FGD5: variants seen among roughly 807,000 people sequenced by gnomAD.
FGD5 encodes the protein FYVE, RhoGEF and PH domain-containing protein 5.
FGD5 carries 28 observed loss-of-function variants against 133.4 expected under a neutral mutation model. That is an observed-to-expected ratio of 0.21 (90% CI 0.16 to 0.29). The LOEUF is 0.29. Among genes scored for constraint, FGD5 ranks in the 10% least tolerant of loss-of-function variants. The pLI is 1.00. For synonymous variants in FGD5, 810 were observed against 776.5 expected (o/e 1.04, Z -0.72); for missense variants, 1,858 against 1,895.2 (o/e 0.98, Z 0.36).
At chr3:14,891,782 G>A (rs1043803786) in intron 4 of FGD5, among the ~76,000 whole-genome samples, 8 of 152,196 alleles carry the variant, frequency 5.3e-5, no homozygotes, top group East Asian at 3.9e-4. Context: ...GCAGGCACAC[G>A]CCTCTGGGCA....
intron 5 of FGD5, 34 bp downstream of exon 5, chr3:14,897,703 T>G (rs981657072): frequency 1.3e-6 from 2 of 1,564,540 alleles, no homozygotes; most frequent in Non-Finnish European, 8.6e-7. Context: ...GTTCCACTTT[T>G]GTTGCACTGG....
At position 14,917,144 on chromosome 3, in the gene FGD5, A is replaced by G. The variant is rs2038572483; in HGVS notation, c.3406-105A>G. 2 of 988,364 alleles carry G rather than the reference A, an allele frequency of 2.0e-6. No individual in the cohort carries two copies. The highest frequency in any genetic ancestry group is 1.6e-5 in the African/African-American group (1 of 60,678). 61.2% of individuals were successfully genotyped at this position (988,364 alleles called of 1,614,324 possible). On this transcript the variant is annotated intron_variant, in intron 11 of 19. Coordinates refer to ENST00000285046, the MANE Select transcript of FGD5 (RefSeq NM_152536.4). This position sits in a 1 kb window ranked among gnomAD's most constrained non-coding sequence, Gnocchi z 4.1. ...GCTCACCTGTGGGGGTTACTGAGGA[A>G]TACAAGATGCCTGTGCACAGCGGAG... is the stretch of plus-strand genomic sequence containing the variant.
At chr3:14,887,926 G>A (rs2037954587) in intron 4 of FGD5, among the ~76,000 whole-genome samples, 1 of 152,000 alleles carries the variant, frequency 6.6e-6, no homozygotes. Flanking sequence ...AACAATTTGG[G>A]AGACCAAGGC....
chr3:14,913,326 A>G (rs1400453845), intron 11 of FGD5, among the ~76,000 whole-genome samples: 1 of 152,188 alleles, frequency 6.6e-6, no homozygotes, highest in Admixed American at 6.5e-5. Flanking sequence ...GTTCCATGGG[A>G]CACAGGTCCT....
Position 14,923,055 on chromosome 3 carries a change from C to T in FGD5, c.3817C>T (p.Arg1273Trp), listed in dbSNP as rs753008473. 22 of 1,613,666 alleles carry T rather than the reference C, an allele frequency of 1.4e-5. No individual in the cohort carries two copies. The highest frequency in any genetic ancestry group is 1.2e-4 in the Admixed American group (7 of 59,996). ...HCHACGKIVC[R>W]NCSRNKYPLK... Reference sequence around the variant, plus strand: ...CCACCTGGGCCTGCAGATCGTGTGCCGGAACTGTTCGCGGAACAAGTACCC... The same window carrying T: ...CCACCTGGGCCTGCAGATCGTGTGCTGGAACTGTTCGCGGAACAAGTACCC... Residue 1273 changes from arginine (R) to tryptophan (W), a missense_variant, in exon 16 of 20, where the codon CGG (arginine) becomes TGG (tryptophan). Arg to Trp is a moderately radical substitution (Grantham distance 101). This residue lies in a region of FGD5 where 1,824 missense variants were observed against 1,848.9 expected (regional missense o/e 0.99). Transcript: ENST00000285046.
intron 18 of FGD5, among the ~76,000 whole-genome samples, chr3:14,926,656 A>G (rs1177669420): frequency 2.6e-5 from 4 of 152,246 alleles, no homozygotes; most frequent in Non-Finnish European, 4.4e-5. Flanking sequence ...ACTGAAATCT[A>G]TATTTTATAG....
At chr3:14,888,313 G>A (rs1348030085) in intron 4 of FGD5, among the ~76,000 whole-genome samples, 5 of 152,250 alleles carry the variant, frequency 3.3e-5, no homozygotes, top group Non-Finnish European at 5.9e-5. Flanking sequence ...ATAAGTGAAC[G>A]AGGCACACTG....
chr3:14,907,647 T>C lies in FGD5; in HGVS notation c.3272T>C (p.Leu1091Pro), dbSNP rs752000041. 1.2e-6 allele frequency: 2 copies of C among 1,613,290 alleles called. No individual in the cohort carries two copies. Among genetic ancestry groups the C allele is most frequent in the South Asian group, 2.2e-5 (2 of 91,010 alleles). The change falls in exon 10 of 20, where the codon CTG becomes CCG. Residue 1091 changes from leucine (L) to proline (P), a missense_variant. Around this residue, in one of 3 missense-constraint regions of FGD5, gnomAD observed 1,824 missense variants for 1,848.9 expected, o/e 0.99. Transcript: ENST00000285046. ...CCCCATTCCCACCCACAGGAAAACC[T>C]GCAGAAGCTGGTCCACATTGAGCAC... is the stretch of plus-strand genomic sequence containing the variant. Reference protein sequence around the residue: ...ANDSMEQGENLQKLVHIEHSV... With the variant: ...ANDSMEQGENPQKLVHIEHSV...
chr3:14,839,767 C>G (rs1045944028), intron 1 of FGD5, among the ~76,000 whole-genome samples: 2 of 152,208 alleles, frequency 1.3e-5, no homozygotes, highest in Middle Eastern at 3.4e-3. Flanking sequence ...CCAGTCTCTA[C>G]TAAAAATACA....
At chr3:14,845,068 G>C (rs147875213) in intron 1 of FGD5, among the ~76,000 whole-genome samples, 18 of 152,234 alleles carry the variant, frequency 1.2e-4, no homozygotes, top group African/African-American at 4.1e-4. Flanking sequence ...CAGAAATTCT[G>C]CCTCCACTCA....
intron 1 of FGD5, among the ~76,000 whole-genome samples, chr3:14,822,106 T>TA (rs553593220): frequency 0.019 from 2,656 of 140,826 alleles, 53 homozygotes; most frequent in Admixed American, 0.028. Context: ...CTAAAAAAAA[T>TA]AAAAAAAAAA....
At chr3:14,900,107 G>A (rs2038208950) in intron 7 of FGD5, among the ~76,000 whole-genome samples, 1 of 152,196 alleles carries the variant, frequency 6.6e-6, no homozygotes, top group Admixed American at 6.5e-5. Context: ...GTCGCCCCCA[G>A]TGGGCTGTGA....
intron 10 of FGD5, among the ~76,000 whole-genome samples, chr3:14,910,293 A>G (rs896612506): frequency 2.0e-5 from 3 of 152,196 alleles, no homozygotes; most frequent in African/African-American, 7.2e-5. Context: ...AACGCTTGTC[A>G]ACTTGGCACC....
At chr3:14,854,020 GGCCA>G (rs34129305) in intron 1 of FGD5, among the ~76,000 whole-genome samples, 27,121 of 151,770 alleles carry the variant, frequency 0.18, 2,669 homozygotes, top group East Asian at 0.39. Context: ...CTTCAGAGCT[GGCCA>G]GAAAGGACCT....
intron 1 of FGD5, among the ~76,000 whole-genome samples, chr3:14,855,439 C>T (rs1328031622): frequency 7.9e-5 from 12 of 152,252 alleles, no homozygotes; most frequent in East Asian, 1.9e-4. Flanking sequence ...CCATATTGTT[C>T]TCCATAGTGG....
At chr3:14,839,323 T>G (rs2036872767) in intron 1 of FGD5, among the ~76,000 whole-genome samples, 1 of 152,174 alleles carries the variant, frequency 6.6e-6, no homozygotes, top group African/African-American at 2.4e-5. Context: ...TGAAGGGTGT[T>G]TCGTAGACCA....
At chr3:14,926,848 T>C (rs1266839466) in intron 18 of FGD5, among the ~76,000 whole-genome samples, 2 of 152,124 alleles carry the variant, frequency 1.3e-5, no homozygotes, top group Non-Finnish European at 2.9e-5. Flanking sequence ...TGGTCAGGCA[T>C]AGTTTCAGCT....
intron 1 of FGD5, among the ~76,000 whole-genome samples, chr3:14,852,352 T>C (rs1283202865): frequency 6.6e-6 from 1 of 152,188 alleles, no homozygotes; most frequent in African/African-American, 2.4e-5. Context: ...CCTCATACTG[T>C]ATGATTTCAT....
chr3:14,923,816 G>A (rs2038734125), intron 16 of FGD5, among the ~76,000 whole-genome samples, 192 bp from the exon 17 acceptor site: 1 of 152,186 alleles, frequency 6.6e-6, no homozygotes, highest in African/African-American at 2.4e-5. Context: ...CCCTGGAAAA[G>A]CGTCCCCTCC....
Sources: gnomAD v4.1 joint callset for allele counts (sites outside exome capture counted in the v4.1 genomes callset) on GRCh38, gnomAD v4.1.1 for gene constraint, gnomAD v4.1.1 regional missense constraint, Gnocchi (gnomAD v3.1) non-coding constraint, MANE v1.5 for transcripts, NCBI Gene and HGNC (gene_info 2026-07-23, HGNC 2026-07-21) for gene names.